Variants in MDGA2 observed in about 807,000 individuals in gnomAD.
MDGA2 encodes the protein MAM domain containing glycosylphosphatidylinositol anchor 2, also known as MAM domain-containing glycosylphosphatidylinositol anchor protein 2.
In MDGA2, 40 loss-of-function variants were observed where a neutral mutation model predicts 117.8. The ratio of observed to expected loss-of-function variants is 0.34; its 90% CI spans 0.26 to 0.44. The LOEUF is 0.44. MDGA2 is among the 20% of genes least tolerant of loss of function. The probability of loss-of-function intolerance (pLI) is 1.00; values close to 1 mark genes in which losing one functional copy is unlikely to be tolerated. For synonymous variants in MDGA2, 452 were observed against 439.0 expected (o/e 1.03, Z -0.37); for missense variants, 1,123 against 1,250.6 (o/e 0.90, Z 1.54).
intron 1 of MDGA2, among the ~76,000 whole-genome samples, chr14:47,442,688 A>C (rs940164535): frequency 7.9e-5 from 12 of 152,102 alleles, no homozygotes; most frequent in Admixed American, 7.2e-4. Flanking sequence ...CATATACTCT[A>C]ATCCCCACAT....
At chr14:47,600,310 T>A (rs1479914080) in intron 1 of MDGA2, among the ~76,000 whole-genome samples, 5 of 151,866 alleles carry the variant, frequency 3.3e-5, no homozygotes, top group African/African-American at 9.7e-5. Context: ...GGCGTCCACC[T>A]GCAATCCCAG....
At chr14:47,599,975 A>G (rs1468815890) in intron 1 of MDGA2, among the ~76,000 whole-genome samples, 13 of 152,196 alleles carry the variant, frequency 8.5e-5, no homozygotes, top group South Asian at 4.2e-4. Flanking sequence ...CCAAAATAAG[A>G]GCTGATTTGG....
chr14:47,624,683 A>C (rs933483025), intron 1 of MDGA2, among the ~76,000 whole-genome samples: 4 of 152,152 alleles, frequency 2.6e-5, no homozygotes. Flanking sequence ...TTCTAATTTT[A>C]AATTAAAATT....
chr14:46,939,159 C>T (rs566403560), intron 9 of MDGA2, among the ~76,000 whole-genome samples: 2 of 151,976 alleles, frequency 1.3e-5, no homozygotes, highest in East Asian at 3.9e-4. Context: ...TGAGAGAATA[C>T]AAAATTACAG....
In MDGA2 at chr14:46,929,646, TAC is replaced by T. The variant is rs1566530392; in HGVS notation, c.2090-9488_2090-9487del. On this transcript the variant is annotated intron_variant, in intron 9 of 16. Transcript: ENST00000399232. ...ATATATATATATATATATATATATATACATTTTTTTTTTTTTTTTTTCGAGAT... is the reference window on the plus strand; with the variant it reads ...ATATATATATATATATATATATATATATTTTTTTTTTTTTTTTTTCGAGAT... Among the ~76,000 whole-genome samples the T allele has an allele frequency of 5.1e-3, 176 of 34,182 alleles. 13 individuals carry two copies. The highest frequency in any genetic ancestry group is 6.0e-3 in the African/African-American group (45 of 7,442). The allele number at this position is 34,182 out of a possible 152,430, so 22.4% of individuals were successfully genotyped here. A position where few individuals can be genotyped will look rare whatever the true frequency, so the allele number is the denominator to read the frequency against.
rs1008241008 is a variant in MDGA2 at position 47,489,190 on chromosome 14, G to C, written c.280+185327C>G. ...TATAAATGGATAAAGAGAAATTAGTGCTTCTCTGACACAAAAAAAAATTTG... is the reference window on the plus strand; with the variant it reads ...TATAAATGGATAAAGAGAAATTAGTCCTTCTCTGACACAAAAAAAAATTTG... On this transcript the variant is annotated intron_variant, in intron 1 of 16. Coordinates refer to ENST00000399232, the MANE Select transcript of MDGA2 (RefSeq NM_001113498.3). Among the ~76,000 whole-genome samples, 8 of 135,656 alleles carry C rather than the reference G, an allele frequency of 5.9e-5. No homozygotes were observed. In the East Asian group the frequency reaches 2.0e-3, roughly 33 times the overall value. The allele number at this position is 135,656 out of a possible 152,430, so 89.0% of individuals were successfully genotyped here.
chr14:47,244,295 T>C (rs892505884), intron 2 of MDGA2, among the ~76,000 whole-genome samples: 5 of 151,970 alleles, frequency 3.3e-5, no homozygotes, highest in Middle Eastern at 3.4e-3. Flanking sequence ...AAATTCTATT[T>C]GCCCTAAAGC....
At chr14:47,157,643 G>A (rs1432059961) in intron 3 of MDGA2, among the ~76,000 whole-genome samples, 4 of 147,290 alleles carry the variant, frequency 2.7e-5, no homozygotes, top group Non-Finnish European at 6.0e-5. Flanking sequence ...GTGTGTATCT[G>A]ATATGGTTTG....
intron 15 of MDGA2, among the ~76,000 whole-genome samples, chr14:46,851,905 G>GT (rs5808362): frequency 0.061 from 7,370 of 119,998 alleles, 250 homozygotes; most frequent in Non-Finnish European, 0.093. Context: ...AGATTTTTGG[G>GT]TAAAAAAAAA....
chr14:47,523,904 C>A (rs1198575912), intron 1 of MDGA2, among the ~76,000 whole-genome samples: 7 of 152,166 alleles, frequency 4.6e-5, no homozygotes, highest in Non-Finnish European at 8.8e-5. Context: ...GGGAACACAG[C>A]GTCACAGTTG....
Position 47,106,315 on chromosome 14 carries a change from C to A in MDGA2, c.926-9192G>T, listed in dbSNP as rs892707296. 7.2e-4 allele frequency among the ~76,000 whole-genome samples: 110 copies of A among 152,110 alleles called. 2 individuals are homozygous for A. The highest frequency in any genetic ancestry group is 2.4e-3 in the African/African-American group (101 of 41,530). ...AATTAACCTCGCCTTCAAGGTGTAC[C>A]ATAATAGAAAAAAGTTGCAATTCCT... On this transcript the variant is annotated intron_variant, in intron 5 of 16. Coordinates refer to ENST00000399232, the MANE Select transcript of MDGA2 (RefSeq NM_001113498.3).
At chr14:47,499,421 T>A (rs1333351139) in intron 1 of MDGA2, among the ~76,000 whole-genome samples, 3 of 152,140 alleles carry the variant, frequency 2.0e-5, no homozygotes, top group Non-Finnish European at 4.4e-5. Flanking sequence ...CTCCCCCCAT[T>A]GATACAGAAT....
At chr14:47,138,871 G>A (rs977569888) in intron 4 of MDGA2, among the ~76,000 whole-genome samples, 15 of 152,028 alleles carry the variant, frequency 9.9e-5, no homozygotes, top group South Asian at 2.1e-4. Flanking sequence ...ATAATTATTC[G>A]TCTTAGAAAT....
intron 1 of MDGA2, among the ~76,000 whole-genome samples, chr14:47,653,083 C>T (rs1489624687): frequency 9.2e-6 from 1 of 109,022 alleles, no homozygotes; most frequent in Admixed American, 9.0e-5. Context: ...CCCAGTAGAA[C>T]CTCAATATCC....
intron 2 of MDGA2, among the ~76,000 whole-genome samples, chr14:47,289,958 C>T (rs1888823408): frequency 6.6e-6 from 1 of 152,122 alleles, no homozygotes; most frequent in Admixed American, 6.6e-5. Flanking sequence ...ATGTGAGTGG[C>T]AAAGTTGTTA....
At chr14:46,944,189 A>G (rs1885091360) in intron 9 of MDGA2, among the ~76,000 whole-genome samples, 2 of 152,016 alleles carry the variant, frequency 1.3e-5, no homozygotes, top group Admixed American at 1.3e-4. Context: ...GGCTTTTTTC[A>G]GAATATATAT....
At chr14:46,889,231 C>A (rs949997834) in intron 10 of MDGA2, among the ~76,000 whole-genome samples, 1 of 151,898 alleles carries the variant, frequency 6.6e-6, no homozygotes, top group Non-Finnish European at 1.5e-5. Flanking sequence ...CTTTCATTAC[C>A]ACAAATTTGA....
intron 3 of MDGA2, among the ~76,000 whole-genome samples, chr14:47,210,630 G>C (rs1316017706): frequency 1.3e-5 from 2 of 152,018 alleles, no homozygotes; most frequent in Non-Finnish European, 2.9e-5. Flanking sequence ...TAGATTTTAG[G>C]GTTCTCAATA....
intron 5 of MDGA2, among the ~76,000 whole-genome samples, chr14:47,126,407 T>C (rs1338767924): frequency 1.3e-5 from 2 of 152,116 alleles, no homozygotes; most frequent in African/African-American, 2.4e-5. Flanking sequence ...TTAAGACAGC[T>C]AGATTAGGTG....
Sources: gnomAD v4.1 joint callset for allele counts (sites outside exome capture counted in the v4.1 genomes callset) on GRCh38, gnomAD v4.1.1 for gene constraint, MANE v1.5 for transcripts, NCBI Gene and HGNC (gene_info 2026-07-23, HGNC 2026-07-21) for gene names.